Variants in PRKCH observed in about 807,000 individuals in gnomAD.
The protein encoded by PRKCH is protein kinase C eta type.
Under a neutral mutation model 82.5 loss-of-function variants are expected in PRKCH, and 28 were observed. The observed-to-expected ratio is 0.34, with a 90% confidence interval of 0.25 to 0.47. The LOEUF (loss-of-function observed/expected upper bound fraction) is 0.47. Among genes scored for constraint, PRKCH ranks in the 20% least tolerant of loss-of-function variants. The pLI is 1.00. For synonymous variants in PRKCH, 322 were observed against 327.4 expected, an observed-to-expected ratio of 0.98 and a Z score of 0.18; for missense variants, 705 against 881.8, an observed-to-expected ratio of 0.80 and a Z score of 2.54.
At chr14:61,256,340 G>A (rs2044997616) in intron 1 of PRKCH, among the ~76,000 whole-genome samples, 1 of 152,104 alleles carries the variant, frequency 6.6e-6, no homozygotes, top group African/African-American at 2.4e-5. Context: ...AAATAGAATA[G>A]TATTCCATTT....
chr14:61,482,523 T>C (rs1416948754), intron 9 of PRKCH, among the ~76,000 whole-genome samples: 1 of 152,188 alleles, frequency 6.6e-6, no homozygotes, highest in East Asian at 1.9e-4. Flanking sequence ...TTGAGGTCTT[T>C]GATAGGATGG....
Position 61,321,860 on chromosome 14 carries a change from C to T in PRKCH, c.-242C>T. 2.3e-6 allele frequency: 1 copy of T among 429,200 alleles called. No homozygotes were observed. The highest frequency in any genetic ancestry group is 4.2e-6 in the Non-Finnish European group (1 of 236,264). The allele number at this position is 429,200 out of a possible 1,614,324, so 26.6% of individuals were successfully genotyped here. The stretch of plus-strand genomic sequence containing the variant: ...CGCTTGGAAGGGACGGTCGGGCTTC[C>T]CCGGCCCGCTGAGGGCTCGGCGGCG... On this transcript the variant is annotated 5_prime_UTR_variant, in exon 1 of 14. Transcript: ENST00000332981. The surrounding 1 kb of genome is among the most constrained non-coding windows in gnomAD (Gnocchi z 4.1).
intron 1 of PRKCH, among the ~76,000 whole-genome samples, chr14:61,295,394 G>C (rs558996313): frequency 4.7e-4 from 71 of 152,320 alleles, no homozygotes; most frequent in African/African-American, 1.7e-3. Context: ...GAGTCACCAG[G>C]TGATACTGAT....
At chr14:61,387,845 T>C (rs1423680020) in intron 1 of PRKCH, among the ~76,000 whole-genome samples, 2 of 152,226 alleles carry the variant, frequency 1.3e-5, no homozygotes, top group African/African-American at 4.8e-5. Flanking sequence ...GTTTTTATTC[T>C]ACTTTGAAAT....
intron 1 of PRKCH, among the ~76,000 whole-genome samples, chr14:61,372,313 G>T (rs1353828775): frequency 6.6e-6 from 1 of 151,974 alleles, no homozygotes; most frequent in Non-Finnish European, 1.5e-5. Context: ...AGAGAAATAG[G>T]TGTATACTCA....
intron 10 of PRKCH, among the ~76,000 whole-genome samples, chr14:61,493,718 G>A (rs757456596): frequency 6.6e-6 from 1 of 151,890 alleles, no homozygotes; most frequent in Admixed American, 6.6e-5. Context: ...TTTTACGTGC[G>A]GGTGGGGGGC....
intron 9 of PRKCH, chr14:61,463,081 CTG>C (rs1335472865): frequency 6.6e-6 from 1 of 152,232 alleles, no homozygotes; most frequent in Non-Finnish European, 1.5e-5. Flanking sequence ...AAAACCTGAA[CTG>C]TGTTTTAGCT....
At chr14:61,222,400 T>C (rs772221029) in intron 1 of PRKCH, among the ~76,000 whole-genome samples, 1 of 152,214 alleles carries the variant, frequency 6.6e-6, no homozygotes, top group Non-Finnish European at 1.5e-5. Context: ...GTATCCTCAT[T>C]TGCATCTCTT....
intron 2 of PRKCH, among the ~76,000 whole-genome samples, chr14:61,401,599 C>G (rs1881624870): frequency 6.6e-6 from 1 of 152,140 alleles, no homozygotes; most frequent in African/African-American, 2.4e-5. Flanking sequence ...TGGCACCAAA[C>G]TATAAAGTCA....
chr14:61,364,943 T>G (rs797000239), intron 1 of PRKCH, among the ~76,000 whole-genome samples: 5 of 152,080 alleles, frequency 3.3e-5, no homozygotes, highest in African/African-American at 1.2e-4. Flanking sequence ...GCTTGTATGG[T>G]TAAAAAGCAG....
chr14:61,330,681 C>T (rs1285795119), intron 1 of PRKCH, among the ~76,000 whole-genome samples: 2 of 152,174 alleles, frequency 1.3e-5, no homozygotes, highest in Non-Finnish European at 2.9e-5. Context: ...GCATTTAGTG[C>T]TGTGGTGCTC....
chr14:61,208,943 A>G (rs1268740706), intron 1 of PRKCH, among the ~76,000 whole-genome samples: 4 of 152,186 alleles, frequency 2.6e-5, no homozygotes, highest in African/African-American at 7.2e-5. Context: ...TGTGTCCCCT[A>G]AAGTTCATAA....
At chr14:61,188,950 C>T (rs2044389512) in intron 1 of PRKCH, among the ~76,000 whole-genome samples, 1 of 152,070 alleles carries the variant, frequency 6.6e-6, no homozygotes, top group African/African-American at 2.4e-5. Context: ...GAACTACTGA[C>T]CTCAGATGAT....
intron 1 of PRKCH, among the ~76,000 whole-genome samples, chr14:61,271,723 A>G (rs1418817844): frequency 6.6e-6 from 1 of 152,216 alleles, no homozygotes; most frequent in African/African-American, 2.4e-5. Context: ...CAAAGCACTC[A>G]GAACATTGCC....
chr14:61,236,725 A>AAAAG (rs2044792314), intron 1 of PRKCH, among the ~76,000 whole-genome samples: 1 of 148,678 alleles, frequency 6.7e-6, no homozygotes, highest in Non-Finnish European at 1.5e-5. Flanking sequence ...AAAAAAAAAA[A>AAAAG]AAAAAAGAAA....
chr14:61,347,093 T>C (rs183569176), intron 1 of PRKCH, among the ~76,000 whole-genome samples: 2 of 152,186 alleles, frequency 1.3e-5, no homozygotes, highest in East Asian at 3.9e-4. Context: ...AGTTGACGGG[T>C]GGGGACTGGT....
chr14:61,359,225 T>C (rs1228242953), intron 1 of PRKCH, among the ~76,000 whole-genome samples: 1 of 152,156 alleles, frequency 6.6e-6, no homozygotes, highest in Non-Finnish European at 1.5e-5. Context: ...TGGACCACAA[T>C]GCTCTGGGGC....
In PRKCH at chr14:61,499,691, T is replaced by C. The variant is rs183395521; in HGVS notation, c.1433+14035T>C. 1.2e-3 allele frequency among the ~76,000 whole-genome samples: 190 copies of C among 152,258 alleles called. 1 individual carries two copies. Among genetic ancestry groups the C allele is most frequent in the African/African-American group, 4.5e-3 (186 of 41,524 alleles). On this transcript the variant is annotated intron_variant, in intron 10 of 13. Coordinates refer to ENST00000332981, the MANE Select transcript of PRKCH (RefSeq NM_006255.5). ...GTTCAAAGTTATATACCCTTCTTCT[T>C]TCAAAGCATGAATATCCAACATCTG...
chr14:61,289,216 T>C (rs1177803896), intron 1 of PRKCH, among the ~76,000 whole-genome samples: 1 of 152,066 alleles, frequency 6.6e-6, no homozygotes, highest in East Asian at 1.9e-4. Context: ...CCAAGTTAAG[T>C]GTAAAGGAAG....
Sources: gnomAD v4.1 joint callset for allele counts (sites outside exome capture counted in the v4.1 genomes callset) on GRCh38, gnomAD v4.1.1 for gene constraint, Gnocchi (gnomAD v3.1) non-coding constraint, MANE v1.5 for transcripts, NCBI Gene and HGNC (gene_info 2026-07-23, HGNC 2026-07-21) for gene names.